RBMS3: variants seen among roughly 807,000 people sequenced by gnomAD.
RBMS3 encodes the protein RNA binding motif single stranded interacting protein 3.
Under a neutral mutation model 66.8 loss-of-function variants are expected in RBMS3, and 27 were observed. That is an observed-to-expected ratio of 0.40 (90% CI 0.30 to 0.56). RBMS3 has a LOEUF of 0.56. Ranked by LOEUF, RBMS3 falls within the 20% of genes least tolerant of loss-of-function variation. The pLI is 0.40. For synonymous variants in RBMS3, 188 were observed against 183.0 expected (o/e 1.03, Z -0.22); for missense variants, 513 against 549.5 (o/e 0.93, Z 0.66).
At chr3:29,374,331 G>A (rs1203518150) in intron 1 of RBMS3, among the ~76,000 whole-genome samples, 1 of 152,190 alleles carries the variant, frequency 6.6e-6, no homozygotes, top group Non-Finnish European at 1.5e-5. Flanking sequence ...TGAGAGATGA[G>A]TTTTTGATTT....
chr3:29,539,443 G>A (rs2045682613), intron 3 of RBMS3, among the ~76,000 whole-genome samples: 1 of 152,234 alleles, frequency 6.6e-6, no homozygotes, highest in Non-Finnish European at 1.5e-5. Context: ...TGTGCATTTG[G>A]TTATTTGGAG....
intron 2 of RBMS3, among the ~76,000 whole-genome samples, chr3:29,481,387 G>GCAAAT (rs1170065799): frequency 6.6e-6 from 1 of 152,136 alleles, no homozygotes; most frequent in Non-Finnish European, 1.5e-5. Context: ...TCTGGAGATG[G>GCAAAT]GGTACTGTTC....
intron 1 of RBMS3, among the ~76,000 whole-genome samples, chr3:29,322,356 C>A (rs919762955): frequency 6.6e-6 from 1 of 151,902 alleles, no homozygotes; most frequent in Non-Finnish European, 1.5e-5. Context: ...TGTTTATTTA[C>A]CTATCCATAC....
At chr3:29,467,591 A>G (rs2042585873) in intron 2 of RBMS3, among the ~76,000 whole-genome samples, 1 of 152,224 alleles carries the variant, frequency 6.6e-6, no homozygotes, top group Non-Finnish European at 1.5e-5. Flanking sequence ...CACAGACCAC[A>G]CTTTGAATAC....
At chr3:29,372,894 C>A (rs1338636225) in intron 1 of RBMS3, among the ~76,000 whole-genome samples, 57 of 147,086 alleles carry the variant, frequency 3.9e-4, no homozygotes, top group Admixed American at 8.1e-4. Context: ...AAAAAAAAAA[C>A]AAAAAAGAAA....
chr3:29,473,893 C>G (rs1022122855), intron 2 of RBMS3, among the ~76,000 whole-genome samples: 3 of 152,258 alleles, frequency 2.0e-5, no homozygotes, highest in African/African-American at 7.2e-5. Context: ...CCCTCCATAC[C>G]TCTCTGCAAG....
intron 10 of RBMS3, among the ~76,000 whole-genome samples, chr3:29,900,291 T>C (rs928834110): frequency 1.3e-5 from 2 of 151,758 alleles, no homozygotes; most frequent in African/African-American, 4.8e-5. Flanking sequence ...GATGAATTTA[T>C]ATAGATAGAT....
chr3:29,346,289 T>A (rs1031447754), intron 1 of RBMS3, among the ~76,000 whole-genome samples: 3 of 152,158 alleles, frequency 2.0e-5, no homozygotes, highest in Admixed American at 1.3e-4. Flanking sequence ...AAAGCCATAT[T>A]TTTAAGTATG....
intron 4 of RBMS3, among the ~76,000 whole-genome samples, chr3:29,600,775 T>G (rs2048116767): frequency 6.6e-6 from 1 of 152,036 alleles, no homozygotes; most frequent in African/African-American, 2.4e-5. Context: ...ATATTCAATC[T>G]TAGGGAAAAA....
chr3:29,745,278 A>G (rs2054837149), intron 5 of RBMS3, among the ~76,000 whole-genome samples: 1 of 151,990 alleles, frequency 6.6e-6, no homozygotes, highest in Non-Finnish European at 1.5e-5. Context: ...AACTTAAAAC[A>G]ATTTTGTAAG....
In RBMS3 at chr3:29,544,467, A is replaced by C. The variant is rs114371741; in HGVS notation, c.308-42647A>C. Among the ~76,000 whole-genome samples, 1,152 of 152,188 alleles carry C rather than the reference A, an allele frequency of 7.6e-3. 18 individuals carry two copies. The highest frequency in any genetic ancestry group is 0.026 in the African/African-American group (1,098 of 41,526). Reference sequence around the variant, plus strand: ...ACTAACTTTGGAAATTTTCAGAAATAAAAGAAAAGATCACTAAGCTGAGAA... The same window carrying C: ...ACTAACTTTGGAAATTTTCAGAAATCAAAGAAAAGATCACTAAGCTGAGAA... On this transcript the variant is annotated intron_variant, in intron 3 of 14. Transcript: ENST00000383767.
At chr3:29,965,238 A>T (rs1407254729) in intron 12 of RBMS3, among the ~76,000 whole-genome samples, 1 of 152,062 alleles carries the variant, frequency 6.6e-6, no homozygotes, top group East Asian at 1.9e-4. Flanking sequence ...TGGGTAGATA[A>T]CCAGTAGTGG....
At chr3:29,459,351 A>G (rs1487126155) in intron 2 of RBMS3, among the ~76,000 whole-genome samples, 1 of 152,220 alleles carries the variant, frequency 6.6e-6, no homozygotes, top group Non-Finnish European at 1.5e-5. Flanking sequence ...GAGCTTGACT[A>G]GCATTTAAGA....
chr3:29,994,219 C>A (rs10865829), intron 14 of RBMS3, among the ~76,000 whole-genome samples: 2,726 of 151,900 alleles, frequency 0.018, 43 homozygotes, highest in African/African-American at 0.039. Context: ...GCACTTTTCC[C>A]ACGGGCTTAA....
intron 1 of RBMS3, among the ~76,000 whole-genome samples, chr3:29,363,618 AT>A (rs749293476): frequency 5.3e-5 from 8 of 152,024 alleles, no homozygotes; most frequent in Middle Eastern, 3.2e-3. Flanking sequence ...GCGAAACCCC[AT>A]CTGTACTAAA....
At chr3:29,856,980 C>A (rs2059092021) in intron 6 of RBMS3, among the ~76,000 whole-genome samples, 1 of 152,076 alleles carries the variant, frequency 6.6e-6, no homozygotes, top group South Asian at 2.1e-4. Context: ...AATTTCAGTA[C>A]CTTGACTCTT....
At chr3:29,751,536 A>G (rs548783361) in intron 5 of RBMS3, among the ~76,000 whole-genome samples, 1 of 152,318 alleles carries the variant, frequency 6.6e-6, no homozygotes, top group East Asian at 1.9e-4. Context: ...TTCTTTCCCA[A>G]GATTAATCTT....
At position 29,917,384 on chromosome 3, in the gene RBMS3, GC is replaced by G. The variant is rs149858542; in HGVS notation, c.939+17630del. 1.5e-3 allele frequency among the ~76,000 whole-genome samples: 221 copies of G among 151,984 alleles called. 2 individuals are homozygous for G. Among genetic ancestry groups the G allele is most frequent in the African/African-American group, 4.8e-3 (198 of 41,458 alleles). On this transcript the variant is annotated intron_variant, in intron 10 of 14. Coordinates refer to ENST00000383767, the MANE Select transcript of RBMS3 (RefSeq NM_001003793.3). The stretch of plus-strand genomic sequence containing the variant: ...CAAAAGGTCATTCTTTCTCTCTTTT[GC>G]TTTTTCATTTAAACAACATTTAAAG...
chr3:29,456,048 G>A (rs1383750800), intron 2 of RBMS3, among the ~76,000 whole-genome samples: 2 of 152,096 alleles, frequency 1.3e-5, no homozygotes, highest in African/African-American at 4.8e-5. Context: ...AGGCAAATTT[G>A]CAAATACAGA....
Sources: gnomAD v4.1 joint callset for allele counts (sites outside exome capture counted in the v4.1 genomes callset) on GRCh38, gnomAD v4.1.1 for gene constraint, MANE v1.5 for transcripts, NCBI Gene and HGNC (gene_info 2026-07-23, HGNC 2026-07-21) for gene names.